Variants in NELL1 observed in about 807,000 individuals in gnomAD.
The protein encoded by NELL1 is neural EGFL like 1, also known as protein kinase C-binding protein NELL1.
NELL1 carries 76 observed loss-of-function variants against 107.4 expected under a neutral mutation model. That is an observed-to-expected ratio of 0.71 (90% CI 0.59 to 0.86). The LOEUF (loss-of-function observed/expected upper bound fraction) is 0.86. Ranked by LOEUF, NELL1 falls within the 40% of genes least tolerant of loss-of-function variation. The pLI, the probability that NELL1 is intolerant of heterozygous loss-of-function variation, is 0.00. For synonymous variants in NELL1, 353 were observed against 341.2 expected (o/e 1.03, Z -0.38); for missense variants, 1,024 against 1,005.5 (o/e 1.02, Z -0.25).
At chr11:21,298,072 G>T (rs1849409916) in intron 14 of NELL1, among the ~76,000 whole-genome samples, 1 of 151,820 alleles carries the variant, frequency 6.6e-6, no homozygotes, top group African/African-American at 2.4e-5. Flanking sequence ...CAAAAAGTCT[G>T]CCCTGATTAT....
intron 15 of NELL1, among the ~76,000 whole-genome samples, chr11:21,520,458 T>C (rs576413914): frequency 1.0e-3 from 155 of 152,248 alleles, no homozygotes; most frequent in African/African-American, 3.7e-3. Flanking sequence ...TTTAAAATGA[T>C]GTTTGCCTAG....
At chr11:21,468,849 T>A (rs73467299) in intron 15 of NELL1, among the ~76,000 whole-genome samples, 14,168 of 151,992 alleles carry the variant, frequency 0.093, 1,077 homozygotes, top group African/African-American at 0.21. Context: ...CAGAACACAG[T>A]AGACAGGCCA....
At chr11:21,020,698 A>T (rs746153838) in intron 12 of NELL1, among the ~76,000 whole-genome samples, 1 of 151,984 alleles carries the variant, frequency 6.6e-6, no homozygotes, top group Admixed American at 6.6e-5. Context: ...TAGCTGGAAG[A>T]CATCACTCCT....
At chr11:20,765,051 C>T (rs543160389) in intron 2 of NELL1, among the ~76,000 whole-genome samples, 34 of 151,912 alleles carry the variant, frequency 2.2e-4, no homozygotes, top group Non-Finnish European at 3.5e-4. Flanking sequence ...CCAGCTACTT[C>T]GGAGGCTGAG....
At chr11:21,467,583 T>A (rs1210696020) in intron 15 of NELL1, among the ~76,000 whole-genome samples, 1 of 152,100 alleles carries the variant, frequency 6.6e-6, no homozygotes, top group Non-Finnish European at 1.5e-5. Flanking sequence ...TATGTTTTTT[T>A]AAGGTAGCCA....
chr11:20,711,150 T>C (rs2133895887), intron 2 of NELL1, among the ~76,000 whole-genome samples: 1 of 152,268 alleles, frequency 6.6e-6, no homozygotes, highest in East Asian at 1.9e-4. Flanking sequence ...GACTTTTTGA[T>C]GTAGGCATTT....
chr11:21,169,258 AG>A (rs1856551492), intron 13 of NELL1, among the ~76,000 whole-genome samples: 1 of 151,876 alleles, frequency 6.6e-6, no homozygotes, highest in Non-Finnish European at 1.5e-5. Context: ...GGTTCCACAC[AG>A]GGTACTCTCC....
At position 20,744,749 on chromosome 11, in the gene NELL1, AT is replaced by A. The variant is rs533653884; in HGVS notation, c.185-38930del. 3.6e-3 allele frequency among the ~76,000 whole-genome samples: 543 copies of A among 152,330 alleles called. 6 individuals carry two copies. Among genetic ancestry groups the A allele is most frequent in the African/African-American group, 0.013 (523 of 41,572 alleles). On this transcript the variant is annotated intron_variant, in intron 2 of 19. Transcript: ENST00000357134. ...ATGCTCCATTGGCCAAAGTAAATTC[AT>A]ACGGTCAAACTCAACATCAGGGGCC...
intron 13 of NELL1, among the ~76,000 whole-genome samples, chr11:21,179,374 T>C (rs142647689): frequency 6.6e-6 from 1 of 152,002 alleles, no homozygotes; most frequent in East Asian, 1.9e-4. Flanking sequence ...TCATATGTAA[T>C]AAATCATCTC....
chr11:20,976,141 ACACATG>A (rs1564995949), intron 12 of NELL1, among the ~76,000 whole-genome samples: 35 of 105,618 alleles, frequency 3.3e-4, no homozygotes, highest in South Asian at 8.9e-4. Context: ...ACACATGTAC[ACACATG>A]TATATATATA....
intron 12 of NELL1, among the ~76,000 whole-genome samples, chr11:21,061,028 C>T (rs1341691549): frequency 6.6e-6 from 1 of 152,212 alleles, no homozygotes; most frequent in Non-Finnish European, 1.5e-5. Context: ...AGCCACCACG[C>T]CTGGCCCCAC....
At chr11:21,307,909 A>G (rs1849642637) in intron 14 of NELL1, among the ~76,000 whole-genome samples, 1 of 152,080 alleles carries the variant, frequency 6.6e-6, no homozygotes, top group African/African-American at 2.4e-5. Flanking sequence ...ATTATTGAGT[A>G]AAGTTCTTTG....
At chr11:21,457,653 T>C (rs1041307520) in intron 15 of NELL1, among the ~76,000 whole-genome samples, 1 of 152,156 alleles carries the variant, frequency 6.6e-6, no homozygotes, top group African/African-American at 2.4e-5. Context: ...ACATTTTACA[T>C]AATTTGCTAC....
intron 16 of NELL1, among the ~76,000 whole-genome samples, chr11:21,548,200 C>CT (rs1856490314): frequency 6.6e-6 from 1 of 151,874 alleles, no homozygotes; most frequent in African/African-American, 2.4e-5. Context: ...GGCAAAGAGT[C>CT]TATCTACTCC....
At chr11:21,339,035 C>T (rs1026964888) in intron 14 of NELL1, among the ~76,000 whole-genome samples, 6 of 152,126 alleles carry the variant, frequency 3.9e-5, no homozygotes, top group East Asian at 1.9e-4. Context: ...AATTAATCAG[C>T]GCTGAATCCA....
At chr11:20,824,661 T>C (rs1419090542) in intron 3 of NELL1, among the ~76,000 whole-genome samples, 1 of 151,258 alleles carries the variant, frequency 6.6e-6, no homozygotes, top group Admixed American at 6.6e-5. Flanking sequence ...TGTTGGGAAA[T>C]GGAGCAAATA....
chr11:21,164,818 C>T (rs953738026), intron 13 of NELL1, among the ~76,000 whole-genome samples: 4 of 152,176 alleles, frequency 2.6e-5, no homozygotes, highest in African/African-American at 9.7e-5. Context: ...GAAGCCACTT[C>T]ATGGGAGATG....
chr11:21,556,574 A>G lies in NELL1; in HGVS notation c.1787-3615A>G, dbSNP rs1456942272. Among the ~76,000 whole-genome samples the G allele has an allele frequency of 3.3e-5, 5 of 151,978 alleles. No individual in the cohort carries two copies. The East Asian group carries it at 9.8e-4, about 30-fold the overall frequency. On this transcript the variant is annotated intron_variant, in intron 16 of 19. Coordinates refer to ENST00000357134, the MANE Select transcript of NELL1 (RefSeq NM_006157.5). Reference sequence around the variant, plus strand: ...GCTGTTATAAACATCTCTGAATTCTATTTTCTTACATGCCCAAGTAACCTA... The same window carrying G: ...GCTGTTATAAACATCTCTGAATTCTGTTTTCTTACATGCCCAAGTAACCTA...
At chr11:20,691,821 C>T (rs537716969) in intron 2 of NELL1, among the ~76,000 whole-genome samples, 1 of 152,064 alleles carries the variant, frequency 6.6e-6, no homozygotes, top group South Asian at 2.1e-4. Context: ...GGAGGATTCC[C>T]TCTTTTTCTA....
Sources: gnomAD v4.1 joint callset for allele counts (sites outside exome capture counted in the v4.1 genomes callset) on GRCh38, gnomAD v4.1.1 for gene constraint, MANE v1.5 for transcripts, NCBI Gene and HGNC (gene_info 2026-07-23, HGNC 2026-07-21) for gene names.